Variants in ANK2 observed in about 807,000 individuals in gnomAD.
ANK2 encodes the protein ankyrin-2.
In ANK2, 83 loss-of-function variants were observed where a neutral mutation model predicts 360.5. That is an observed-to-expected ratio of 0.23 (90% CI 0.19 to 0.28). The LOEUF (loss-of-function observed/expected upper bound fraction) is 0.28, where lower values mean the gene tolerates loss of function less well. ANK2 is among the 10% of genes least tolerant of loss of function. The pLI is 1.00. For synonymous variants in ANK2, 1,740 were observed against 1,759.5 expected (o/e 0.99, Z 0.28); for missense variants, 4,201 against 4,795.7 (o/e 0.88, Z 3.66).
intron 2 of ANK2, among the ~76,000 whole-genome samples, chr4:112,991,897 C>T (rs1463385260): frequency 6.6e-6 from 1 of 151,828 alleles, no homozygotes; most frequent in Non-Finnish European, 1.5e-5. Context: ...CTCCAGTTTC[C>T]ATTAATATGT....
At chr4:113,091,208 A>G (rs2087885545) in intron 1 of ANK2, among the ~76,000 whole-genome samples, 1 of 152,192 alleles carries the variant, frequency 6.6e-6, no homozygotes, top group South Asian at 2.1e-4. Flanking sequence ...CTTATCAGTC[A>G]TTTTTAGCAT....
the ANK2 span, among the ~76,000 whole-genome samples, chr4:112,791,486 T>C: frequency 7.0e-4 from 97 of 138,888 alleles, no homozygotes; most frequent in African/African-American, 2.4e-3. Context: ...CTTCTTTTTT[T>C]TTTTTTTTTT....
At chr4:113,035,423 T>A (rs1432267910) in intron 2 of ANK2, among the ~76,000 whole-genome samples, 1 of 151,868 alleles carries the variant, frequency 6.6e-6, no homozygotes, top group Non-Finnish European at 1.5e-5. Context: ...AGAAAATAGG[T>A]ATTTTTTAAT....
chr4:113,072,301 C>G (rs2077889453), intron 1 of ANK2, among the ~76,000 whole-genome samples: 1 of 152,154 alleles, frequency 6.6e-6, no homozygotes, highest in South Asian at 2.1e-4. Context: ...ATTTTTATGT[C>G]CTCAAGCCAG....
At chr4:113,242,251 C>G (rs2040363179) in intron 9 of ANK2, 42 bp downstream of exon 9, 1 of 1,564,934 alleles carries the variant, frequency 6.4e-7, no homozygotes, top group African/African-American at 1.4e-5. Context: ...ATTATTATTT[C>G]TTTCAAGCCT....
chr4:113,045,640 G>A (rs1455033280), upstream of ANK2, among the ~76,000 whole-genome samples: 2 of 152,096 alleles, frequency 1.3e-5, no homozygotes, highest in African/African-American at 4.8e-5. Context: ...TTATATCAAC[G>A]AGAACAACAA....
intron 38 of ANK2, among the ~76,000 whole-genome samples, chr4:113,360,424 C>T (rs887027533): frequency 6.6e-6 from 1 of 152,044 alleles, no homozygotes; most frequent in Non-Finnish European, 1.5e-5. Flanking sequence ...TATCCCTCCA[C>T]AAGCAATAAT....
the ANK2 span, among the ~76,000 whole-genome samples, chr4:112,759,687 A>G: frequency 6.6e-6 from 1 of 152,170 alleles, no homozygotes; most frequent in Admixed American, 6.6e-5. Flanking sequence ...CTTCAGTAGC[A>G]TCATTCCAGC....
At chr4:113,131,748 G>A (rs1350702682) in intron 1 of ANK2, among the ~76,000 whole-genome samples, 1 of 152,154 alleles carries the variant, frequency 6.6e-6, no homozygotes, top group Non-Finnish European at 1.5e-5. Flanking sequence ...TGAGTTTAAA[G>A]CCCCCTAACA....
At chr4:113,160,116 T>C (rs1369167048) in intron 1 of ANK2, among the ~76,000 whole-genome samples, 4 of 152,220 alleles carry the variant, frequency 2.6e-5, no homozygotes, top group Non-Finnish European at 5.9e-5. Context: ...TAGTCATCCA[T>C]GACTTCAGCT....
chr4:112,885,613 G>A (rs1262188380), intron 1 of ANK2, among the ~76,000 whole-genome samples: 2 of 151,406 alleles, frequency 1.3e-5, no homozygotes, highest in Non-Finnish European at 2.9e-5. Flanking sequence ...TGGCTAACAT[G>A]GTGAAACCCC....
intron 2 of ANK2, among the ~76,000 whole-genome samples, chr4:112,948,521 A>G (rs1207503669): frequency 6.6e-6 from 1 of 152,192 alleles, no homozygotes; most frequent in Non-Finnish European, 1.5e-5. Context: ...ATTCAATTAC[A>G]TCATAAATGA....
In ANK2 at chr4:113,357,069, T is replaced by G; in HGVS notation, c.8451T>G (p.Thr2817=). The change falls in exon 38 of 46, where the codon ACT becomes ACG. Residue 2817 remains threonine, a synonymous_variant. Transcript: ENST00000357077. ...IYKESLALQG[T]HEKDTEGEEL... is the part of the protein sequence containing the mutation. ...AAGAATCATTAGCTCTCCAAGGCAC[T>G]CATGAAAAAGACACAGAGGGAGAAG... is the stretch of plus-strand genomic sequence containing the variant. 2 of 1,614,036 alleles carry G rather than the reference T, an allele frequency of 1.2e-6. No homozygotes were observed. The highest frequency in any genetic ancestry group is 1.7e-6 in the Non-Finnish European group (2 of 1,179,952).
rs191876710 is a variant in ANK2 at position 112,939,008 on chromosome 4, A to G, written c.21+34494A>G. 2.3e-3 allele frequency among the ~76,000 whole-genome samples: 347 copies of G among 152,320 alleles called. 2 individuals are homozygous for G. The highest frequency in any genetic ancestry group is 2.5e-3 in the Non-Finnish European group (170 of 68,024). ...TTATTTACATTTTTCCTTTCACTGG[A>G]AATTTTTTTATAATTCATATATGAA... On this transcript the variant is annotated intron_variant, in intron 2 of 30. Transcript: ENST00000503271.
At chr4:113,367,959 C>T (rs1370842870) in intron 42 of ANK2, 108 bp downstream of exon 42, 19 of 1,338,364 alleles carry the variant, frequency 1.4e-5, no homozygotes, top group Non-Finnish European at 2.0e-5. Context: ...TTAAAATGAC[C>T]CTACCAAACA....
intron 2 of ANK2, among the ~76,000 whole-genome samples, chr4:113,176,642 T>A (rs2098216118): frequency 6.6e-6 from 1 of 152,084 alleles, no homozygotes; most frequent in African/African-American, 2.4e-5. Context: ...TTTTATTTTT[T>A]ATTATACTTT....
In ANK2 at chr4:113,101,917, G is replaced by T. The variant is rs1446545388; in HGVS notation, c.84+52105G>T. ...GAAGTACACATGCAAGCCCTGAAGT[G>T]GGAAAGACCTTGATGCACATAGGGA... On this transcript the variant is annotated intron_variant, in intron 1 of 45. Transcript: ENST00000357077. Among the ~76,000 whole-genome samples, 5 of 152,218 alleles carry T rather than the reference G, an allele frequency of 3.3e-5. No homozygotes were observed. In the South Asian group the frequency reaches 1.0e-3, roughly 32 times the overall value.
chr4:112,960,334 C>T (rs1287328652), intron 2 of ANK2, among the ~76,000 whole-genome samples: 2 of 150,824 alleles, frequency 1.3e-5, no homozygotes, highest in African/African-American at 4.9e-5. Flanking sequence ...GGTAGAGCAG[C>T]ATTAGTGTCT....
chr4:112,760,061 T>G, the ANK2 span, among the ~76,000 whole-genome samples: 11 of 152,160 alleles, frequency 7.2e-5, no homozygotes, highest in African/African-American at 2.7e-4. Flanking sequence ...CCAGGCTCCT[T>G]GACTACTACT....
Sources: gnomAD v4.1 joint callset for allele counts (sites outside exome capture counted in the v4.1 genomes callset) on GRCh38, gnomAD v4.1.1 for gene constraint, MANE v1.5 for transcripts, NCBI Gene and HGNC (gene_info 2026-07-23, HGNC 2026-07-21) for gene names.